Variants in HDAC9 observed in about 807,000 individuals in gnomAD.
HDAC9 encodes MEF-2 interacting transcription repressor (MITR) protein.
HDAC9 carries 41 observed loss-of-function variants against 139.4 expected under a neutral mutation model. The ratio of observed to expected loss-of-function variants is 0.29; its 90% CI spans 0.23 to 0.38. The LOEUF is 0.38. Among genes scored for constraint, HDAC9 ranks in the 10% least tolerant of loss-of-function variants. The probability of loss-of-function intolerance (pLI) is 1.00; values close to 1 mark genes in which losing one functional copy is unlikely to be tolerated. For synonymous variants in HDAC9, 517 were observed against 476.2 expected (o/e 1.09, Z -1.12); for missense variants, 1,147 against 1,297.0 (o/e 0.88, Z 1.78).
chr7:18,925,568 T>C (rs1188050887), intron 22 of HDAC9, among the ~76,000 whole-genome samples: 2 of 152,126 alleles, frequency 1.3e-5, no homozygotes, highest in Non-Finnish European at 2.9e-5. Flanking sequence ...CTTGAATACA[T>C]GGTGTTTTAG....
At chr7:18,453,304 G>C (rs1224459166) in intron 1 of HDAC9, among the ~76,000 whole-genome samples, 2 of 152,008 alleles carry the variant, frequency 1.3e-5, no homozygotes, top group African/African-American at 4.8e-5. Flanking sequence ...AGTACACAAA[G>C]GTCAGCATTG....
intron 17 of HDAC9, among the ~76,000 whole-genome samples, chr7:18,827,951 G>A (rs189689832): frequency 1.3e-5 from 2 of 152,160 alleles, no homozygotes; most frequent in East Asian, 3.9e-4. Flanking sequence ...CAGAGCGATA[G>A]TAAGTGTCTT....
intron 1 of HDAC9, among the ~76,000 whole-genome samples, chr7:18,131,047 G>A (rs979271220): frequency 1.2e-4 from 18 of 152,048 alleles, no homozygotes; most frequent in Admixed American, 1.0e-3. Context: ...TTATTTTTCT[G>A]TTGCTCAAAT....
At position 18,803,790 on chromosome 7, in the gene HDAC9, C is replaced by T. The variant is rs148645609; in HGVS notation, c.2322+10338C>T. ...TCAGTCAAGTTGTTTAAAATATATA[C>T]GTATTAGGAAAATCAAAATTTAATG... On this transcript the variant is annotated intron_variant, in intron 17 of 25. Coordinates refer to ENST00000686413, the MANE Select transcript of HDAC9 (RefSeq NM_178425.4). Among the ~76,000 whole-genome samples, 636 of 151,894 alleles carry T rather than the reference C, an allele frequency of 4.2e-3. 7 individuals are homozygous for T. The highest frequency in any genetic ancestry group is 0.014 in the African/African-American group (592 of 41,410).
chr7:18,310,330 C>T (rs565055471), intron 1 of HDAC9, among the ~76,000 whole-genome samples: 1 of 152,166 alleles, frequency 6.6e-6, no homozygotes, highest in Non-Finnish European at 1.5e-5. Context: ...CTTTGGAGGA[C>T]GATATACCAT....
At position 18,215,126 on chromosome 7, in the gene HDAC9, A is replaced by C. The variant is rs573908933; in HGVS notation, c.25+52777A>C. ...TCCTTTCTAATAAATGGATTATTCTATTCTACCCTATTCTATTAGACAATT... is the reference window on the plus strand; with the variant it reads ...TCCTTTCTAATAAATGGATTATTCTCTTCTACCCTATTCTATTAGACAATT... On this transcript the variant is annotated intron_variant, in intron 2 of 12. Coordinates refer to the HDAC9 transcript ENST00000417496. Among the ~76,000 whole-genome samples the C allele has an allele frequency of 2.6e-5, 4 of 152,276 alleles. No individual in the cohort carries two copies. The South Asian group carries it at 8.3e-4, about 32-fold the overall frequency.
intron 2 of HDAC9, among the ~76,000 whole-genome samples, chr7:18,237,177 A>G (rs1352019112): frequency 6.6e-6 from 1 of 152,214 alleles, no homozygotes; most frequent in African/African-American, 2.4e-5. Context: ...GCAACTGGCT[A>G]CGGAGAGTTG....
At chr7:18,236,602 T>C (rs1793832694) in intron 2 of HDAC9, among the ~76,000 whole-genome samples, 1 of 152,138 alleles carries the variant, frequency 6.6e-6, no homozygotes, top group Non-Finnish European at 1.5e-5. Flanking sequence ...AAATAGAATT[T>C]TCTATGTACA....
intron 5 of HDAC9, among the ~76,000 whole-genome samples, chr7:18,592,961 G>T (rs547398231): frequency 9.1e-4 from 139 of 152,170 alleles, no homozygotes; most frequent in Admixed American, 2.1e-3. Flanking sequence ...TTCATTAGCT[G>T]TTCTCTTAGG....
At chr7:18,132,398 T>A (rs1785073108) in intron 1 of HDAC9, among the ~76,000 whole-genome samples, 1 of 152,132 alleles carries the variant, frequency 6.6e-6, no homozygotes, top group Non-Finnish European at 1.5e-5. Context: ...TTTTTTCTTT[T>A]TGTTTTTGTT....
chr7:18,335,187 A>C (rs1781495826), intron 1 of HDAC9, among the ~76,000 whole-genome samples: 1 of 151,528 alleles, frequency 6.6e-6, no homozygotes, highest in African/African-American at 2.4e-5. Flanking sequence ...TCCAACCCTA[A>C]GGAGATAAAT....
At chr7:18,149,620 G>A (rs527837955) in intron 1 of HDAC9, among the ~76,000 whole-genome samples, 2 of 151,604 alleles carry the variant, frequency 1.3e-5, no homozygotes, top group African/African-American at 2.4e-5. Context: ...GCTTGATCTC[G>A]GCTCACTGCA....
At chr7:18,918,862 G>A (rs1585308627) in intron 22 of HDAC9, among the ~76,000 whole-genome samples, 3 of 151,874 alleles carry the variant, frequency 2.0e-5, no homozygotes, top group African/African-American at 4.8e-5. Flanking sequence ...TAATCCTAGG[G>A]GCCTGAACAA....
intron 17 of HDAC9, among the ~76,000 whole-genome samples, chr7:18,811,922 A>G (rs1794205871): frequency 6.6e-6 from 1 of 151,730 alleles, no homozygotes; most frequent in Admixed American, 6.6e-5. Context: ...TGATATATTC[A>G]CAGGGGATTG....
chr7:18,158,798 G>A (rs369066025), intron 1 of HDAC9, among the ~76,000 whole-genome samples: 38 of 152,216 alleles, frequency 2.5e-4, no homozygotes, highest in African/African-American at 9.2e-4. Context: ...TGATGTTAAG[G>A]ACAGTAATAG....
chr7:18,644,155 A>G (rs1440950754), intron 8 of HDAC9, among the ~76,000 whole-genome samples: 1 of 152,112 alleles, frequency 6.6e-6, no homozygotes, highest in Non-Finnish European at 1.5e-5. Context: ...AGAATTGTCT[A>G]TTCATAAATG....
chr7:18,149,950 G>A (rs1015067508), intron 1 of HDAC9, among the ~76,000 whole-genome samples: 3 of 152,096 alleles, frequency 2.0e-5, no homozygotes, highest in Admixed American at 6.6e-5. Flanking sequence ...TCCCGCCTCA[G>A]CCTCCCCAAA....
intron 17 of HDAC9, among the ~76,000 whole-genome samples, chr7:18,826,394 C>T (rs185120810): frequency 6.6e-6 from 1 of 152,152 alleles, no homozygotes; most frequent in African/African-American, 2.4e-5. Context: ...GGGGGGCACT[C>T]AGAAAATATA....
chr7:18,336,188 G>A (rs1585233822), intron 1 of HDAC9, among the ~76,000 whole-genome samples: 1 of 151,514 alleles, frequency 6.6e-6, no homozygotes, highest in Non-Finnish European at 1.5e-5. Flanking sequence ...GAAATTAATA[G>A]CACATAGCAT....
Sources: gnomAD v4.1 joint callset for allele counts (sites outside exome capture counted in the v4.1 genomes callset) on GRCh38, gnomAD v4.1.1 for gene constraint, MANE v1.5 for transcripts, NCBI Gene and HGNC (gene_info 2026-07-23, HGNC 2026-07-21) for gene names.